BCAS1: variants seen among roughly 807,000 people sequenced by gnomAD.
BCAS1 encodes the protein breast carcinoma-amplified sequence 1.
Under a neutral mutation model 65.4 loss-of-function variants are expected in BCAS1, and 46 were observed. That is an observed-to-expected ratio of 0.70 (90% CI 0.55 to 0.90). The LOEUF (loss-of-function observed/expected upper bound fraction) is 0.90, where lower values mean the gene tolerates loss of function less well. Ranked by LOEUF, BCAS1 falls within the 40% of genes least tolerant of loss-of-function variation. The pLI, the probability that BCAS1 is intolerant of heterozygous loss-of-function variation, is 0.00. For missense variants in BCAS1, 793 were observed against 771.2 expected, an observed-to-expected ratio of 1.03 and a Z score of -0.33; for synonymous variants, 298 against 293.5, an observed-to-expected ratio of 1.02 and a Z score of -0.16.
At chr20:53,977,766 T>G (rs2090371462) in intron 8 of BCAS1, among the ~76,000 whole-genome samples, 1 of 152,224 alleles carries the variant, frequency 6.6e-6, no homozygotes, top group African/African-American at 2.4e-5. Context: ...CAAAAGGAAT[T>G]GCTATTTTAT....
Position 54,028,906 on chromosome 20 carries a change from C to T in BCAS1, c.209G>A (p.Ser70Asn). 6.2e-7 allele frequency: 1 copy of T among 1,614,118 alleles called. No individual in the cohort carries two copies. The highest frequency in any genetic ancestry group is 1.7e-5 in the Admixed American group (1 of 60,012). ...ATSSPETTEI[S>N]AVADANGKNL... is the part of the protein sequence containing the mutation. ...CTTTCCGTTGGCATCCGCAACAGCA[C>T]TTATCTCCGTTGTCTCGGGGGAAGA... Residue 70 changes from serine to asparagine, a missense_variant, in exon 4 of 13, where the codon AGT becomes AAT. Ser to Asn is a conservative substitution (Grantham distance 46). Transcript: ENST00000688948.
intron 8 of BCAS1, among the ~76,000 whole-genome samples, chr20:53,978,843 G>A (rs2090404487): frequency 6.6e-6 from 1 of 152,168 alleles, no homozygotes. Context: ...ATACACTGTG[G>A]AATCAGGTAC....
intron 7 of BCAS1, among the ~76,000 whole-genome samples, chr20:53,987,842 A>G (rs1376801599): frequency 6.6e-6 from 1 of 152,172 alleles, no homozygotes; most frequent in Non-Finnish European, 1.5e-5. Context: ...TAACCAGAGA[A>G]GGGAAGAAGA....
At chr20:54,049,271 A>C (rs1300335321) in intron 3 of BCAS1, among the ~76,000 whole-genome samples, 2 of 152,238 alleles carry the variant, frequency 1.3e-5, no homozygotes, top group Non-Finnish European at 2.9e-5. Flanking sequence ...GGAGCAAAAA[A>C]GGAAAATACT....
At chr20:53,960,282 T>C (rs1454465817) in intron 10 of BCAS1, among the ~76,000 whole-genome samples, 1 of 152,106 alleles carries the variant, frequency 6.6e-6, no homozygotes, top group African/African-American at 2.4e-5. Flanking sequence ...TGGCATTCAT[T>C]AGGGACTCTG....
chr20:54,043,626 C>T (rs2092041747), intron 3 of BCAS1, among the ~76,000 whole-genome samples: 1 of 152,120 alleles, frequency 6.6e-6, no homozygotes, highest in South Asian at 2.1e-4. Context: ...GAGCCTTGAG[C>T]CAGTTCTTAC....
chr20:53,988,329 C>T (rs764055037), intron 7 of BCAS1, among the ~76,000 whole-genome samples: 4 of 152,148 alleles, frequency 2.6e-5, no homozygotes, highest in Non-Finnish European at 4.4e-5. Context: ...CCGTTTTCAC[C>T]GCTCAGCCAC....
intron 1 of BCAS1, among the ~76,000 whole-genome samples, chr20:54,066,134 G>A (rs1295604224): frequency 2.0e-5 from 3 of 150,566 alleles, no homozygotes; most frequent in Admixed American, 6.6e-5. Flanking sequence ...GTGCAGTGGC[G>A]CCATTTCGGC....
At chr20:53,993,181 G>A (rs188780100) in intron 6 of BCAS1, among the ~76,000 whole-genome samples, 1 of 152,118 alleles carries the variant, frequency 6.6e-6, no homozygotes, top group Non-Finnish European at 1.5e-5. Flanking sequence ...GTAGACCCCC[G>A]CCAGGCAGAG....
At chr20:53,945,818 G>T (rs2089295771) in intron 12 of BCAS1, among the ~76,000 whole-genome samples, 1 of 152,058 alleles carries the variant, frequency 6.6e-6, no homozygotes, top group African/African-American at 2.4e-5. Flanking sequence ...TGTTGCCTAG[G>T]CTGAAGTACA....
At chr20:53,974,446 T>G (rs914292802) in intron 9 of BCAS1, among the ~76,000 whole-genome samples, 32 of 152,340 alleles carry the variant, frequency 2.1e-4, no homozygotes, top group Middle Eastern at 3.4e-3. Flanking sequence ...ATAAGAATCA[T>G]AACACAGCCA....
chr20:54,021,214 G>A lies in BCAS1; in HGVS notation c.723+7178C>T, dbSNP rs554938622. On this transcript the variant is annotated intron_variant, in intron 4 of 12. Transcript: ENST00000688948. ...CAAAGGGCTCTGAGGATAAATTTTA[G>A]GAAACTCCTTTCTTATTTATAGGAC... 7.9e-5 allele frequency among the ~76,000 whole-genome samples: 12 copies of A among 152,052 alleles called. No homozygotes were observed. The South Asian group carries it at 2.5e-3, about 32-fold the overall frequency.
intron 4 of BCAS1, among the ~76,000 whole-genome samples, chr20:54,014,736 G>C (rs764442180): frequency 1.1e-4 from 17 of 152,268 alleles, no homozygotes; most frequent in Admixed American, 3.3e-4. Context: ...CATGCTGCCT[G>C]GGATAAAAGG....
intron 4 of BCAS1, among the ~76,000 whole-genome samples, chr20:54,000,101 T>C (rs774326100): frequency 2.0e-5 from 3 of 152,234 alleles, no homozygotes; most frequent in Non-Finnish European, 2.9e-5. Context: ...TCCCGGCATA[T>C]CTGATGCTGC....
In BCAS1 at chr20:53,953,576, C is replaced by G; in HGVS notation, c.1671G>C (p.Gln557His). The change falls in exon 12 of 13, where the codon CAG becomes CAC. Residue 557 changes from glutamine (Q) to histidine (H), a missense_variant. By Grantham distance (24) the Gln-to-His change is conservative (BLOSUM62 0). Transcript: ENST00000688948. ...DKKSAAEMNKQKSNKQEAKEP... is the reference protein window; with the variant it reads ...DKKSAAEMNKHKSNKQEAKEP... The stretch of plus-strand genomic sequence containing the variant: ...CTTTGGCTTCCTGCTTGTTGCTCTT[C>G]TGCTTGTTCATCTCGGCTGCTGACT... The G allele has an allele frequency of 6.2e-7, 1 of 1,613,870 alleles. No individual in the cohort carries two copies. Among genetic ancestry groups the G allele is most frequent in the Non-Finnish European group, 8.5e-7 (1 of 1,179,998 alleles).
intron 3 of BCAS1, among the ~76,000 whole-genome samples, chr20:54,038,187 T>C (rs1031940947): frequency 6.6e-6 from 1 of 151,230 alleles, no homozygotes; most frequent in Non-Finnish European, 1.5e-5. Context: ...CTGGAAATAT[T>C]TTCGCTAAGA....
intron 3 of BCAS1, among the ~76,000 whole-genome samples, chr20:54,034,701 A>C (rs2086811485): frequency 6.6e-6 from 1 of 151,446 alleles, no homozygotes; most frequent in African/African-American, 2.4e-5. Flanking sequence ...TAAAATGGCC[A>C]TATTGCCCAG....
chr20:54,021,394 G>A lies in BCAS1; in HGVS notation c.723+6998C>T, dbSNP rs907470066. Among the ~76,000 whole-genome samples the A allele has an allele frequency of 2.0e-4, 18 of 91,834 alleles. 2 individuals are homozygous for A. The highest frequency in any genetic ancestry group is 5.7e-4 in the African/African-American group (17 of 29,706). The allele number at this position is 91,834 out of a possible 152,430, so 60.2% of individuals were successfully genotyped here. Reference sequence around the variant, plus strand: ...TCTATTAAGTGTGCAATAGCATTACGTCTAAAAAAAAAGTACATACTTTAA... The same window carrying A: ...TCTATTAAGTGTGCAATAGCATTACATCTAAAAAAAAAGTACATACTTTAA... On this transcript the variant is annotated intron_variant, in intron 4 of 12. Coordinates refer to ENST00000688948, the MANE Select transcript of BCAS1 (RefSeq NM_001366298.2).
At chr20:53,991,394 C>G (rs993447267) in intron 7 of BCAS1, among the ~76,000 whole-genome samples, 2 of 152,312 alleles carry the variant, frequency 1.3e-5, no homozygotes, top group Non-Finnish European at 2.9e-5. Context: ...AATACAGATT[C>G]AGCTGTGAGA....
Sources: allele counts gnomAD v4.1 joint callset (sites outside exome capture counted in the v4.1 genomes callset), GRCh38; gene constraint gnomAD v4.1.1; transcripts MANE v1.5; gene names NCBI Gene and HGNC (gene_info 2026-07-23, HGNC 2026-07-21).